CHGA: variants seen among roughly 807,000 people sequenced by gnomAD.
CHGA encodes chromogranin A.
In CHGA, 41 loss-of-function variants were observed where a neutral mutation model predicts 54.4. The ratio of observed to expected loss-of-function variants is 0.75; its 90% CI spans 0.59 to 0.98. CHGA has a LOEUF of 0.98. Among genes scored for constraint, CHGA ranks in the 50% least tolerant of loss-of-function variants. CHGA has a pLI of 0.00. For synonymous variants in CHGA, 249 were observed against 232.8 expected, an observed-to-expected ratio of 1.07 and a Z score of -0.63; for missense variants, 576 against 582.3, an observed-to-expected ratio of 0.99 and a Z score of 0.11.
chr14:92,932,954 C>G lies in CHGA; in HGVS notation c.1290+103C>G. 2 of 1,418,584 alleles carry G rather than the reference C, an allele frequency of 1.4e-6. No individual in the cohort carries two copies. The highest frequency in any genetic ancestry group is 2.9e-5 in the African/African-American group (2 of 69,328). The allele number at this position is 1,418,584 out of a possible 1,614,324, so 87.9% of individuals were successfully genotyped here. A position where few individuals can be genotyped will look rare whatever the true frequency, so the allele number is the denominator to read the frequency against. On this transcript the variant is annotated intron_variant, in intron 7 of 7. Transcript: ENST00000216492. The surrounding 1 kb of genome is among the most constrained non-coding windows in gnomAD (Gnocchi z 5.3). Reference sequence around the variant, plus strand: ...TGCCCCACTGAGGGGACAGGGCCCCCCCGCCGAAGTCTGGGGATGGAGAGA... The same window carrying G: ...TGCCCCACTGAGGGGACAGGGCCCCGCCGCCGAAGTCTGGGGATGGAGAGA...
In CHGA at chr14:92,934,995, C is replaced by G; in HGVS notation, c.*111C>G. On this transcript the variant is annotated 3_prime_UTR_variant, in exon 8 of 8. Coordinates refer to ENST00000216492, the MANE Select transcript of CHGA (RefSeq NM_001275.4). ...ATGCTGCTTCCGGTAGGGAGGCAGCCTCCAGCCTGCCCAAGCCCAGGCCAC... is the reference window on the plus strand; with the variant it reads ...ATGCTGCTTCCGGTAGGGAGGCAGCGTCCAGCCTGCCCAAGCCCAGGCCAC... 1.1e-6 allele frequency: 1 copy of G among 916,204 alleles called. No individual in the cohort carries two copies. The highest frequency in any genetic ancestry group is 1.6e-6 in the Non-Finnish European group (1 of 629,790). The allele number at this position is 916,204 out of a possible 1,614,324, so 56.8% of individuals were successfully genotyped here.
At position 92,932,670 on chromosome 14, in the gene CHGA, G is replaced by C. The variant is rs775763691; in HGVS notation, c.1109G>C (p.Ser370Thr). 9.3e-6 allele frequency: 15 copies of C among 1,607,872 alleles called. No individual in the cohort carries two copies. Among genetic ancestry groups the C allele is most frequent in the Non-Finnish European group, 1.7e-6 (2 of 1,178,800 alleles). Residue 370 changes from serine (S) to threonine (T), a missense_variant, in exon 7 of 8, where the codon AGT (serine) becomes ACT (threonine). By Grantham distance (58) the Ser-to-Thr change is moderately conservative. Coordinates refer to ENST00000216492, the MANE Select transcript of CHGA (RefSeq NM_001275.4). The surrounding 1 kb of genome is among the most constrained non-coding windows in gnomAD (Gnocchi z 5.3). ...GQEEEEDNRDSSMKLSFRARA... is the reference protein window; with the variant it reads ...GQEEEEDNRDTSMKLSFRARA... ...GAGGAGGAGGAGGACAACCGGGACA[G>C]TTCCATGAAGCTCTCCTTCCGGGCC...
intron 1 of CHGA, 139 bp downstream of exon 1, chr14:92,923,544 T>A: frequency 1.4e-6 from 1 of 729,484 alleles, no homozygotes; most frequent in Non-Finnish European, 1.9e-6. Flanking sequence ...GGACAGCGCC[T>A]CCGCCTCCCG....
At chr14:92,926,373 C>A in intron 2 of CHGA, 1 of 546,864 alleles carries the variant, frequency 1.8e-6, no homozygotes, top group Admixed American at 3.1e-5. Flanking sequence ...ACCTGCTGGC[C>A]ATGTGGTTGG....
intron 1 of CHGA, among the ~76,000 whole-genome samples, chr14:92,923,854 C>A (rs941586): frequency 0.26 from 37,190 of 143,320 alleles, 4,689 homozygotes; most frequent in Middle Eastern, 0.4. Flanking sequence ...TCTTCCCCCG[C>A]CCCCCCCACC....
chr14:92,924,315 C>T lies in CHGA; in HGVS notation c.93+70C>T. 3 of 1,485,818 alleles carry T rather than the reference C, an allele frequency of 2.0e-6. No homozygotes were observed. The African/African-American group carries it at 4.2e-5, about 21-fold the overall frequency. The allele number at this position is 1,485,818 out of a possible 1,614,324, so 92.0% of individuals were successfully genotyped here. A position where few individuals can be genotyped will look rare whatever the true frequency, so the allele number is the denominator to read the frequency against. ...CACTTCACAGCCAGTTCTTGGGCAG[C>T]TGCAGGAGTAAGTTCGGCATAAAGC... On this transcript the variant is annotated intron_variant, in intron 2 of 7. Coordinates refer to ENST00000216492, the MANE Select transcript of CHGA (RefSeq NM_001275.4).
intron 1 of CHGA, 88 bp from the exon 2 acceptor site, chr14:92,924,111 G>T: frequency 6.9e-7 from 1 of 1,452,046 alleles, no homozygotes; most frequent in South Asian, 1.2e-5. Context: ...GTGGCATTGG[G>T]TGAACGGGCC....
intron 4 of CHGA, among the ~76,000 whole-genome samples, chr14:92,928,401 G>T (rs1225682851): frequency 6.6e-6 from 1 of 152,158 alleles, no homozygotes; most frequent in Non-Finnish European, 1.5e-5. Flanking sequence ...TAGGATTCCT[G>T]TGGCCCTTTC....
chr14:92,929,101 G>C (rs928467168), intron 4 of CHGA, among the ~76,000 whole-genome samples: 2 of 152,256 alleles, frequency 1.3e-5, no homozygotes, highest in Non-Finnish European at 2.9e-5. Flanking sequence ...CAGGTGTGGG[G>C]ACAGTCAGAG....
rs9658661 is a variant in CHGA at position 92,932,251 on chromosome 14, C to T, written c.809-119C>T. ...CATCAAGAAGGTTTTTCCCGCTAAG[C>T]GTCATCACTGTGGAGAGGCTGGGCT... On this transcript the variant is annotated intron_variant, in intron 6 of 7. Transcript: ENST00000216492. This position sits in a 1 kb window ranked among gnomAD's most constrained non-coding sequence, Gnocchi z 5.3. The T allele has an allele frequency of 7.3e-4, 994 of 1,363,772 alleles. 7 individuals carry two copies. In the African/African-American group the frequency reaches 0.012, roughly 17 times the overall value. The allele number at this position is 1,363,772 out of a possible 1,614,324, so 84.5% of individuals were successfully genotyped here.
chr14:92,926,615 G>A lies in CHGA; in HGVS notation c.104G>A (p.Cys35Tyr). 1.2e-6 allele frequency: 2 copies of A among 1,613,938 alleles called. No individual in the cohort carries two copies. The highest frequency in any genetic ancestry group is 1.7e-6 in the Non-Finnish European group (2 of 1,180,014). Residue 35 changes from cysteine to tyrosine, a missense_variant, in exon 3 of 8, where the codon TGC becomes TAC. Transcript: ENST00000216492. ...GCACTGTGTTCCCAGGTGATGAAAT[G>A]CATCGTTGAGGTCATCTCCGACACA... ...MNKGDTEVMK[C>Y]IVEVISDTLS...
chr14:92,927,755 C>A (rs971839852), intron 4 of CHGA, 137 bp downstream of exon 4: 1 of 726,528 alleles, frequency 1.4e-6, no homozygotes, highest in African/African-American at 1.8e-5. Context: ...CAGGATCCGC[C>A]GTGCCACCTG....
At chr14:92,934,546 G>T (rs1186741777) in intron 7 of CHGA, among the ~76,000 whole-genome samples, 3 of 152,210 alleles carry the variant, frequency 2.0e-5, no homozygotes, top group Admixed American at 2.0e-4. Context: ...CCATTTGAGA[G>T]GAAGTGGGGC....
At position 92,932,872 on chromosome 14, in the gene CHGA, A is replaced by G; in HGVS notation, c.1290+21A>G. On this transcript the variant is annotated intron_variant, in intron 7 of 7. Transcript: ENST00000216492. The surrounding 1 kb of genome is among the most constrained non-coding windows in gnomAD (Gnocchi z 5.3). The stretch of plus-strand genomic sequence containing the variant: ...CAGAGGTTGGTATGGGGCGGGAGCC[A>G]GCTCTGTGCCAGGCCACGGAGCAGC... 6.8e-7 allele frequency: 1 copy of G among 1,462,524 alleles called. No individual in the cohort carries two copies. Among genetic ancestry groups the G allele is most frequent in the Non-Finnish European group, 9.1e-7 (1 of 1,104,650 alleles). The allele number at this position is 1,462,524 out of a possible 1,614,324, so 90.6% of individuals were successfully genotyped here.
Position 92,929,711 on chromosome 14 carries a change from T to A in CHGA, c.257-6T>A. On this transcript the variant is annotated splice_polypyrimidine_tract_variant and splice_region_variant and intron_variant, in intron 4 of 7. Coordinates refer to ENST00000216492, the MANE Select transcript of CHGA (RefSeq NM_001275.4). ...ATGGGACTTTTCCCTCCTTTTCTCA[T>A]ACCAGGCGCCAAGGAGAGGGCACAT... 6.2e-7 allele frequency: 1 copy of A among 1,613,784 alleles called. No homozygotes were observed. Among genetic ancestry groups the A allele is most frequent in the Admixed American group, 1.7e-5 (1 of 60,024 alleles).
upstream of CHGA, chr14:92,923,082 G>A: frequency 3.5e-6 from 1 of 287,872 alleles, no homozygotes; most frequent in Non-Finnish European, 6.4e-6. Flanking sequence ...GAAAGGGGAA[G>A]GGGGCGGCAC....
intron 7 of CHGA, among the ~76,000 whole-genome samples, chr14:92,934,279 C>G (rs548350920): frequency 4.6e-5 from 7 of 152,332 alleles, no homozygotes; most frequent in Admixed American, 3.9e-4. Flanking sequence ...TCGGGATCCT[C>G]TCACAATCAG....
chr14:92,929,451 G>A (rs1483160926), intron 4 of CHGA, among the ~76,000 whole-genome samples: 1 of 152,188 alleles, frequency 6.6e-6, no homozygotes, highest in African/African-American at 2.4e-5. Flanking sequence ...CTTTCTTGCT[G>A]TGTGGCCACA....
Position 92,931,270 on chromosome 14 carries a change from T to C in CHGA, c.376T>C (p.Ser126Pro). The change falls in exon 6 of 8, where the codon TCC becomes CCC. Residue 126 changes from serine (S) to proline (P), a missense_variant. Transcript: ENST00000216492. ...TGCAGAGGCGGTGGAAGAGCCATCA[T>C]CCAAGGATGTTATGGAGAAAAGAGA... The part of the protein sequence containing the change: ...ELKEAVEEPS[S>P]KDVMEKREDS... The C allele has an allele frequency of 6.2e-7, 1 of 1,612,356 alleles. No individual in the cohort carries two copies. Among genetic ancestry groups the C allele is most frequent in the Non-Finnish European group, 8.5e-7 (1 of 1,178,996 alleles).
Sources: gnomAD v4.1 joint callset for allele counts (sites outside exome capture counted in the v4.1 genomes callset) on GRCh38, gnomAD v4.1.1 for gene constraint, Gnocchi (gnomAD v3.1) non-coding constraint, MANE v1.5 for transcripts, NCBI Gene and HGNC (gene_info 2026-07-23, HGNC 2026-07-21) for gene names.